The following RCOR2 variants were observed in gnomAD, a reference collection of about 807,000 sequenced individuals.
RCOR2 encodes the protein REST corepressor 2.
A neutral mutation model predicts 58.9 loss-of-function variants in RCOR2; 19 were observed. That is an observed-to-expected ratio of 0.32 (90% CI 0.23 to 0.47). The LOEUF (loss-of-function observed/expected upper bound fraction) is 0.47. Ranked by LOEUF, RCOR2 falls within the 20% of genes least tolerant of loss-of-function variation. The pLI, the probability that RCOR2 is intolerant of heterozygous loss-of-function variation, is 1.00. For missense variants in RCOR2, 590 were observed against 707.9 expected (o/e 0.83, Z 1.89); for synonymous variants, 286 against 278.7 (o/e 1.03, Z -0.26).
Position 63,912,914 on chromosome 11 carries a change from G to A in RCOR2, c.925C>T (p.Arg309Cys), listed in dbSNP as rs765094575. 8.1e-6 allele frequency: 13 copies of A among 1,613,406 alleles called. No individual in the cohort carries two copies. Among genetic ancestry groups the A allele is most frequent in the South Asian group, 1.1e-5 (1 of 90,982 alleles). Residue 309 changes from arginine to cysteine, a missense_variant, in exon 9 of 12, where the codon CGC becomes TGC. Around this residue, in one of 3 missense-constraint regions of RCOR2, gnomAD observed 390 missense variants for 478.7 expected, o/e 0.81. Transcript: ENST00000301459. The part of the protein sequence containing the change: ...QSMKQTNSSL[R>C]QALEGGIDPL... ...TCAATACCGCCCTCCAGGGCTTGGC[G>A]CAGGCTGCTGTTCGTCTGCTTCATG... is the stretch of plus-strand genomic sequence containing the variant.
In RCOR2 at chr11:63,916,340, C is replaced by T. The variant is rs56366122; in HGVS notation, c.117G>A (p.Glu39=). 2 of 1,605,552 alleles carry T rather than the reference C, an allele frequency of 1.2e-6. No homozygotes were observed. The highest frequency in any genetic ancestry group is 1.7e-6 in the Non-Finnish European group (2 of 1,177,276). ...PHSEDDSSEE[E]HSHDSMIRVG... The stretch of plus-strand genomic sequence containing the variant: ...GGCCACCGGGCTCACCGTGCGAGTG[C>T]TCCTCCTCGCTGCTGTCATCCTCCG... The change falls in exon 1 of 12, where the codon GAG becomes GAA. Residue 39 remains glutamate (E), a synonymous_variant. Transcript: ENST00000301459.
upstream of RCOR2, among the ~76,000 whole-genome samples, chr11:63,921,171 G>A (rs568080015): frequency 2.5e-4 from 38 of 152,298 alleles, no homozygotes; most frequent in Non-Finnish European, 4.6e-4. Context: ...GGGTTGAGAT[G>A]AGAGGTGACA....
chr11:63,914,154 G>A lies in RCOR2; in HGVS notation c.691C>T (p.Pro231Ser). The A allele has an allele frequency of 6.2e-7, 1 of 1,613,826 alleles. No individual in the cohort carries two copies. The highest frequency in any genetic ancestry group is 8.5e-7 in the Non-Finnish European group (1 of 1,179,978). ...DPKREPLPSR[P>S]LNARPGPGKK... ...CCAGGGCCTGGGCGTGCATTCAGGG[G>A]CCGAGAGGGTAGAGGCTGCCAGTGA... is the stretch of plus-strand genomic sequence containing the variant. Residue 231 changes from proline to serine, a missense_variant, in exon 8 of 12, where the codon CCC (proline) becomes TCC (serine). Physicochemically the swap from Pro to Ser is moderately conservative, Grantham distance 74 (BLOSUM62 -1). Transcript: ENST00000301459.
Position 63,915,251 on chromosome 11 carries a change from G to T in RCOR2, c.192C>A (p.Pro64=). 1.9e-6 allele frequency: 3 copies of T among 1,551,276 alleles called. No homozygotes were observed. Among genetic ancestry groups the T allele is most frequent in the Non-Finnish European group, 2.6e-6 (3 of 1,146,946 alleles). The change falls in exon 3 of 12, where the codon CCC becomes CCA. Residue 64 remains proline (P), a synonymous_variant. Coordinates refer to ENST00000301459, the MANE Select transcript of RCOR2 (RefSeq NM_173587.4). ...AVIPECKPES[P]ARYSNKELKG... ...TCAGCTCCTTGTTGCTGTAGCGTGCGGGGCTCTCTGAAAGGCCGAGGAGCA... is the reference window on the plus strand; with the variant it reads ...TCAGCTCCTTGTTGCTGTAGCGTGCTGGGCTCTCTGAAAGGCCGAGGAGCA...
the RCOR2 span, among the ~76,000 whole-genome samples, chr11:63,925,076 C>T: frequency 6.6e-6 from 1 of 152,098 alleles, no homozygotes; most frequent in Non-Finnish European, 1.5e-5. Flanking sequence ...TGGTCCCAAA[C>T]TCCTGACCTC....
intron 1 of RCOR2, among the ~76,000 whole-genome samples, chr11:63,915,871 G>A (rs1002656561): frequency 1.3e-5 from 2 of 152,216 alleles, no homozygotes; most frequent in Non-Finnish European, 2.9e-5. Context: ...CCCAGGCCAA[G>A]CAGGGTGCTT....
the RCOR2 span, among the ~76,000 whole-genome samples, chr11:63,924,724 T>A: frequency 2.0e-4 from 30 of 152,154 alleles, no homozygotes; most frequent in Admixed American, 1.8e-3. Context: ...TCTTTCTTTT[T>A]TATTTTTTGA....
Position 63,916,584 on chromosome 11 carries a change from G to A in RCOR2, c.-128C>T. ...CCACTGAGGTTAGGAGAGGCAGGAG[G>A]TCAGCGTGGCTAGGGTCCGGCGGGG... On this transcript the variant is annotated 5_prime_UTR_variant, in exon 1 of 12. Coordinates refer to ENST00000301459, the MANE Select transcript of RCOR2 (RefSeq NM_173587.4). The A allele has an allele frequency of 7.0e-7, 1 of 1,418,904 alleles. No homozygotes were observed. Among genetic ancestry groups the A allele is most frequent in the Non-Finnish European group, 9.2e-7 (1 of 1,084,728 alleles). 87.9% of individuals were successfully genotyped at this position (1,418,904 alleles called of 1,614,324 possible).
At chr11:63,921,680 A>T (rs906547496), upstream of RCOR2, among the ~76,000 whole-genome samples, 1 of 152,060 alleles carries the variant, frequency 6.6e-6, no homozygotes. Flanking sequence ...CATGGAATGG[A>T]GTAACAACAT....
At chr11:63,913,201 T>TTA (rs1941805223) in intron 8 of RCOR2, among the ~76,000 whole-genome samples, 9 of 139,348 alleles carry the variant, frequency 6.5e-5, no homozygotes, top group Non-Finnish European at 7.8e-5. Flanking sequence ...TTTTTTTTTT[T>TTA]TTGAGAAGGA....
Position 63,914,413 on chromosome 11 carries a change from C to T in RCOR2, c.605+4G>A. On this transcript the variant is annotated splice_donor_region_variant and intron_variant, in intron 6 of 11. Coordinates refer to ENST00000301459, the MANE Select transcript of RCOR2 (RefSeq NM_173587.4). Reference sequence around the variant, plus strand: ...CCATGCCCAGTGCTTGCTCCTGCCCCCACCTGTCTTCTTTGTCCTTGCGGC... The same window carrying T: ...CCATGCCCAGTGCTTGCTCCTGCCCTCACCTGTCTTCTTTGTCCTTGCGGC... 2 of 1,613,494 alleles carry T rather than the reference C, an allele frequency of 1.2e-6. No individual in the cohort carries two copies. The highest frequency in any genetic ancestry group is 1.7e-6 in the Non-Finnish European group (2 of 1,180,038).
At chr11:63,918,332 G>C (rs76370995), upstream of RCOR2, among the ~76,000 whole-genome samples, 12,282 of 152,298 alleles carry the variant, frequency 0.081, 1,580 homozygotes, top group African/African-American at 0.27. Flanking sequence ...TGGCCGGGGT[G>C]TTGCGGTCGG....
intron 11 of RCOR2, 54 bp downstream of exon 11, chr11:63,912,251 C>T (rs1394447686): frequency 1.3e-6 from 2 of 1,593,734 alleles, no homozygotes. Context: ...CAAGGCGGCG[C>T]CTCACCTCGC....
chr11:63,912,958 C>G lies in RCOR2; in HGVS notation c.892-11G>C, dbSNP rs756218444. The G allele has an allele frequency of 6.2e-7, 1 of 1,610,630 alleles. No individual in the cohort carries two copies. Among genetic ancestry groups the G allele is most frequent in the Non-Finnish European group, 8.5e-7 (1 of 1,178,430 alleles). ...CTTCATGCTCTGTACCTGGGAAGGC[C>G]AGGAAGTGGAGGAATATCAGACTCC... On this transcript the variant is annotated splice_polypyrimidine_tract_variant and intron_variant, in intron 8 of 11. Transcript: ENST00000301459.
the RCOR2 span, among the ~76,000 whole-genome samples, chr11:63,927,663 T>C: frequency 6.6e-6 from 1 of 152,264 alleles, no homozygotes; most frequent in African/African-American, 2.4e-5. Context: ...CAGTGGCTGA[T>C]ACACAGTGGG....
chr11:63,918,021 A>G (rs1349869515), upstream of RCOR2, among the ~76,000 whole-genome samples: 1 of 152,040 alleles, frequency 6.6e-6, no homozygotes, highest in Admixed American at 6.5e-5. Context: ...GAGCCAGCGC[A>G]CACACCGGCG....
At chr11:63,926,547 C>G in the RCOR2 span, among the ~76,000 whole-genome samples, 4 of 146,948 alleles carry the variant, frequency 2.7e-5, no homozygotes, top group African/African-American at 1.0e-4. Flanking sequence ...TCAGCAGTGA[C>G]GTGATCTCGG....
chr11:63,920,852 C>T (rs1235187298), upstream of RCOR2, among the ~76,000 whole-genome samples: 2 of 152,088 alleles, frequency 1.3e-5, no homozygotes, highest in Non-Finnish European at 1.5e-5. Flanking sequence ...TGGGCCCTGT[C>T]AGTGAACCCC....
upstream of RCOR2, among the ~76,000 whole-genome samples, chr11:63,918,643 C>T (rs1317447727): frequency 6.6e-6 from 1 of 152,172 alleles, no homozygotes; most frequent in Non-Finnish European, 1.5e-5. Flanking sequence ...CCGACCCCTC[C>T]TAAGTGGCAG....
Sources: gnomAD v4.1 joint callset for allele counts (sites outside exome capture counted in the v4.1 genomes callset) on GRCh38, gnomAD v4.1.1 for gene constraint, gnomAD v4.1.1 regional missense constraint, MANE v1.5 for transcripts, NCBI Gene and HGNC (gene_info 2026-07-23, HGNC 2026-07-21) for gene names.